DAB2IP: variants seen among roughly 807,000 people sequenced by gnomAD.
DAB2IP encodes DAB2 interacting protein, also known as disabled homolog 2-interacting protein.
A neutral mutation model predicts 107.2 loss-of-function variants in DAB2IP; 28 were observed. The ratio of observed to expected loss-of-function variants is 0.26; its 90% CI spans 0.19 to 0.36. The LOEUF is 0.36. Among genes scored for constraint, DAB2IP ranks in the 10% least tolerant of loss-of-function variants. The pLI is 1.00. For missense variants in DAB2IP, 1,400 were observed against 1,644.7 expected (o/e 0.85, Z 2.57); for synonymous variants, 755 against 706.4 (o/e 1.07, Z -1.09).
chr9:121,696,003 G>T (rs1829407461), intron 2 of DAB2IP, among the ~76,000 whole-genome samples: 1 of 152,074 alleles, frequency 6.6e-6, no homozygotes, highest in Admixed American at 6.5e-5. Context: ...CGAGTAGCTG[G>T]GATTACAGGC....
At chr9:121,724,721 T>C (rs968795088) in intron 3 of DAB2IP, among the ~76,000 whole-genome samples, 1 of 151,980 alleles carries the variant, frequency 6.6e-6, no homozygotes, top group African/African-American at 2.4e-5. Context: ...AAAGAAGAGG[T>C]GGATTGACTA....
At chr9:121,733,574 C>G (rs952965502) in intron 3 of DAB2IP, among the ~76,000 whole-genome samples, 6 of 152,214 alleles carry the variant, frequency 3.9e-5, no homozygotes, top group African/African-American at 1.4e-4. Context: ...ATCCCTTAGG[C>G]CCTGAGAACC....
intron 2 of DAB2IP, among the ~76,000 whole-genome samples, chr9:121,696,304 C>A (rs1322928281): frequency 3.9e-5 from 6 of 152,236 alleles, no homozygotes; most frequent in Non-Finnish European, 4.4e-5. Context: ...TTCTTAGCCA[C>A]TGGGCTGTCA....
At chr9:121,636,518 A>G (rs1832093278) in intron 1 of DAB2IP, among the ~76,000 whole-genome samples, 1 of 152,096 alleles carries the variant, frequency 6.6e-6, no homozygotes, top group Admixed American at 6.5e-5. Flanking sequence ...GAGTGCCCCT[A>G]CGCCCAGTTC....
chr9:121,672,137 T>C (rs1349311215), intron 1 of DAB2IP, among the ~76,000 whole-genome samples: 3 of 152,218 alleles, frequency 2.0e-5, no homozygotes, highest in Non-Finnish European at 4.4e-5. Context: ...TAGTTTCTTT[T>C]AAATTCTGGA....
intron 1 of DAB2IP, among the ~76,000 whole-genome samples, chr9:121,581,138 C>T (rs1279401350): frequency 6.6e-6 from 1 of 152,190 alleles, no homozygotes; most frequent in African/African-American, 2.4e-5. Context: ...ACCCAAACCA[C>T]CCCTGAGGCA....
In DAB2IP at chr9:121,644,469, C is replaced by T. The variant is rs187928705; in HGVS notation, c.41-34209C>T. Among the ~76,000 whole-genome samples the T allele has an allele frequency of 7.0e-3, 1,057 of 152,026 alleles. 5 individuals are homozygous for T. Among genetic ancestry groups the T allele is most frequent in the Middle Eastern group, 0.01 (3 of 294 alleles). The stretch of plus-strand genomic sequence containing the variant: ...AAAATTAGCCAGGCGTGGTGACACA[C>T]GCCTGTAATCCCAGTTACTCAAGAG... On this transcript the variant is annotated intron_variant, in intron 1 of 16. Transcript: ENST00000259371.
At chr9:121,784,709 A>G (rs962934037) in exon 16 of DAB2IP, 1 of 154,676 alleles carries the variant, frequency 6.5e-6, no homozygotes, top group East Asian at 1.9e-4. Flanking sequence ...TGCTCTCCCA[A>G]GGGTTTTATT....
chr9:121,769,066 C>G (rs925008852), intron 10 of DAB2IP, among the ~76,000 whole-genome samples: 7 of 152,150 alleles, frequency 4.6e-5, no homozygotes, highest in Admixed American at 3.3e-4. Flanking sequence ...CCCTAGACAC[C>G]TCTGACACTG....
rs919646505 is a variant in DAB2IP at position 121,651,642 on chromosome 9, G to T, written c.-134G>T. ...GGAGGAGGAGTTTGAGCGACTTTGT[G>T]GGGCAGCCAGGGCCTCGGCGGCCGC... On this transcript the variant is annotated 5_prime_UTR_variant, in exon 1 of 16. Transcript: ENST00000408936. This position sits in a 1 kb window ranked among gnomAD's most constrained non-coding sequence, Gnocchi z 5.1. 2 of 1,066,930 alleles carry T rather than the reference G, an allele frequency of 1.9e-6. No homozygotes were observed. Among genetic ancestry groups the T allele is most frequent in the East Asian group, 1.4e-4 (2 of 14,124 alleles). 66.1% of individuals were successfully genotyped at this position (1,066,930 alleles called of 1,614,324 possible). A position where few individuals can be genotyped will look rare whatever the true frequency, so the allele number is the denominator to read the frequency against.
At chr9:121,638,358 G>A (rs139446580) in intron 1 of DAB2IP, among the ~76,000 whole-genome samples, 13 of 152,316 alleles carry the variant, frequency 8.5e-5, no homozygotes, top group African/African-American at 2.4e-4. Flanking sequence ...GGACTTGAGC[G>A]TGCTTGGATT....
At chr9:121,638,028 G>A (rs984043921) in intron 1 of DAB2IP, among the ~76,000 whole-genome samples, 1 of 152,138 alleles carries the variant, frequency 6.6e-6, no homozygotes, top group African/African-American at 2.4e-5. Context: ...GGCAGCTGCT[G>A]TGTGACAATG....
chr9:121,629,034 G>A (rs1831774178), intron 1 of DAB2IP, among the ~76,000 whole-genome samples: 1 of 152,210 alleles, frequency 6.6e-6, no homozygotes, highest in South Asian at 2.1e-4. Context: ...ACTTGCGCCT[G>A]GAGTGATGGC....
rs1829609194 is a variant in DAB2IP, at chr9:121,699,179, C to T, written c.229-146C>T. The T allele has an allele frequency of 1.1e-6, 1 of 912,744 alleles. No homozygotes were observed. Among genetic ancestry groups the T allele is most frequent in the Non-Finnish European group, 1.3e-6 (1 of 767,184 alleles). 56.5% of individuals were successfully genotyped at this position (912,744 alleles called of 1,614,324 possible). On this transcript the variant is annotated intron_variant, in intron 2 of 15. Transcript: ENST00000408936. This position sits in a 1 kb window ranked among gnomAD's most constrained non-coding sequence, Gnocchi z 6.2. ...TCGGTCGGCGGGCGGGCGGCGCGGGCCGCGAGCTGCTGGGGCCGAGCCCGA... is the reference window on the plus strand; with the variant it reads ...TCGGTCGGCGGGCGGGCGGCGCGGGTCGCGAGCTGCTGGGGCCGAGCCCGA...
intron 1 of DAB2IP, among the ~76,000 whole-genome samples, chr9:121,569,358 G>A (rs1274265635): frequency 1.3e-5 from 2 of 152,254 alleles, no homozygotes; most frequent in Non-Finnish European, 2.9e-5. Context: ...GATGGGGGAA[G>A]TCAAGGCGTG....
chr9:121,590,976 G>A (rs1362423697), intron 1 of DAB2IP, among the ~76,000 whole-genome samples: 1 of 152,194 alleles, frequency 6.6e-6, no homozygotes, highest in East Asian at 1.9e-4. Flanking sequence ...CATGTGGGAG[G>A]CCAGGGAAGC....
chr9:121,732,326 A>C (rs113627053), intron 3 of DAB2IP, among the ~76,000 whole-genome samples: 1 of 152,192 alleles, frequency 6.6e-6, no homozygotes, highest in African/African-American at 2.4e-5. Context: ...TTTTGATGGA[A>C]ACATTACATT....
At chr9:121,670,335 G>A (rs974864502) in intron 1 of DAB2IP, among the ~76,000 whole-genome samples, 9 of 152,184 alleles carry the variant, frequency 5.9e-5, no homozygotes, top group Admixed American at 3.9e-4. Context: ...AAAACTTAGC[G>A]GCTTAAACAA....
At chr9:121,605,914 C>T (rs1388441757) in intron 1 of DAB2IP, among the ~76,000 whole-genome samples, 1 of 152,142 alleles carries the variant, frequency 6.6e-6, no homozygotes, top group African/African-American at 2.4e-5. Context: ...ACATGAACAT[C>T]GAGGAGTCAC....
Sources: gnomAD v4.1 joint callset for allele counts (sites outside exome capture counted in the v4.1 genomes callset) on GRCh38, gnomAD v4.1.1 for gene constraint, Gnocchi (gnomAD v3.1) non-coding constraint, MANE v1.5 for transcripts, NCBI Gene and HGNC (gene_info 2026-07-23, HGNC 2026-07-21) for gene names.